SLC25A28: variants seen among roughly 807,000 people sequenced by gnomAD.
The protein encoded by SLC25A28 is mitoferrin-2.
SLC25A28 carries 10 observed loss-of-function variants against 31.9 expected under a neutral mutation model. That is an observed-to-expected ratio of 0.31 (90% CI 0.19 to 0.53). The LOEUF (loss-of-function observed/expected upper bound fraction) is 0.53. Among genes scored for constraint, SLC25A28 ranks in the 20% least tolerant of loss-of-function variants. The pLI is 0.95. For synonymous variants in SLC25A28, 208 were observed against 203.6 expected, an observed-to-expected ratio of 1.02 and a Z score of -0.19; for missense variants, 256 against 490.3, an observed-to-expected ratio of 0.52 and a Z score of 4.51.
At chr10:99,615,241 C>A (rs1237632564) in intron 1 of SLC25A28, among the ~76,000 whole-genome samples, 7 of 151,816 alleles carry the variant, frequency 4.6e-5, no homozygotes, top group African/African-American at 1.7e-4. Context: ...CCTGTAATCC[C>A]AGCTACTCAG....
At position 99,620,156 on chromosome 10, in the gene SLC25A28, G is replaced by A. The variant is rs770554202; in HGVS notation, c.180C>T (p.Gly60=). The change falls in exon 1 of 4, where the codon GGC becomes GGT. Residue 60 remains glycine, a synonymous_variant. Transcript: ENST00000370495. ...CAGCCGGCAGCGCCTCGTAGTCCGG[G>A]CCGGAGTCCGGATCTTGTCGTACCG... ...RPPVRQDPDS[G]PDYEALPAGA... The A allele has an allele frequency of 1.9e-6, 3 of 1,567,012 alleles. No homozygotes were observed. Among genetic ancestry groups the A allele is most frequent in the South Asian group, 1.1e-5 (1 of 88,644 alleles).
intron 3 of SLC25A28, among the ~76,000 whole-genome samples, 155 bp downstream of exon 3, chr10:99,612,388 G>T (rs910378056): frequency 2.0e-5 from 3 of 152,164 alleles, no homozygotes; most frequent in African/African-American, 7.2e-5. Context: ...GTCCAAGAGG[G>T]TGCCTCGTTA....
At chr10:99,631,496 G>A in the SLC25A28 span, among the ~76,000 whole-genome samples, 8 of 151,720 alleles carry the variant, frequency 5.3e-5, no homozygotes, top group Admixed American at 1.3e-4. Context: ...TCCTTGCTCT[G>A]ATCTGCCTGA....
In SLC25A28 at chr10:99,613,657, T is replaced by C. The variant is rs982107863; in HGVS notation, c.520+39A>G. On this transcript the variant is annotated intron_variant, in intron 2 of 3. Coordinates refer to ENST00000370495, the MANE Select transcript of SLC25A28 (RefSeq NM_031212.4). The surrounding 1 kb of genome is among the most constrained non-coding windows in gnomAD (Gnocchi z 4.9). ...ACTGACAGCAGCAAAGCCCAAAGAG[T>C]TGGGAAAGTGGGGGAACCAGCACAG... The C allele has an allele frequency of 6.2e-7, 1 of 1,613,382 alleles. No homozygotes were observed. The highest frequency in any genetic ancestry group is 8.5e-7 in the Non-Finnish European group (1 of 1,179,800).
chr10:99,634,533 G>C, the SLC25A28 span, among the ~76,000 whole-genome samples: 1 of 152,074 alleles, frequency 6.6e-6, no homozygotes, highest in Non-Finnish European at 1.5e-5. Flanking sequence ...TGAACAAGTA[G>C]AAGAAAGAAA....
At chr10:99,649,119 G>A in the SLC25A28 span, among the ~76,000 whole-genome samples, 5 of 151,946 alleles carry the variant, frequency 3.3e-5, no homozygotes, top group Non-Finnish European at 5.9e-5. Flanking sequence ...TTATGTTAAG[G>A]TATGTTTCTT....
At chr10:99,652,503 T>C in the SLC25A28 span, among the ~76,000 whole-genome samples, 185 of 152,274 alleles carry the variant, frequency 1.2e-3, no homozygotes, top group Admixed American at 2.7e-3. Context: ...CCTGAAACAG[T>C]AGCTATGACC....
At chr10:99,651,594 C>CT in the SLC25A28 span, among the ~76,000 whole-genome samples, 53 of 110,192 alleles carry the variant, frequency 4.8e-4, 5 homozygotes, top group East Asian at 1.6e-3. Context: ...TTTTTCTTTT[C>CT]TTTTTTTTTT....
In SLC25A28 at chr10:99,613,549, A is replaced by G; in HGVS notation, c.520+147T>C. ...TTGAAGCGGCCCGTTGTCTGAGAAC[A>G]TCAGGTTTGGAAGTCCCTCCCTTAT... On this transcript the variant is annotated intron_variant, in intron 2 of 3. Transcript: ENST00000370495. This position sits in a 1 kb window ranked among gnomAD's most constrained non-coding sequence, Gnocchi z 4.9. 1 of 1,493,804 alleles carries G rather than the reference A, an allele frequency of 6.7e-7. No homozygotes were observed. The highest frequency in any genetic ancestry group is 8.9e-7 in the Non-Finnish European group (1 of 1,124,784). 92.5% of individuals were successfully genotyped at this position (1,493,804 alleles called of 1,614,324 possible).
rs1004763338 is a variant in SLC25A28 at position 99,610,980 on chromosome 10, T to C, written c.964A>G (p.Thr322Ala). 4.3e-6 allele frequency: 7 copies of C among 1,614,056 alleles called. No individual in the cohort carries two copies. The Admixed American group carries it at 5.0e-5, about 12-fold the overall frequency. Residue 322 changes from threonine to alanine, a missense_variant, in exon 4 of 4, where the codon ACC becomes GCC. Thr to Ala is a moderately conservative substitution (Grantham distance 58, BLOSUM62 0). Transcript: ENST00000370495. ...FRTVYQVGGV[T>A]AYFRGVQARV... ...GCCTGCACCCCTCGGAAATAGGCGGTCACCCCACCTACTTGATATACCGTC... is the reference window on the plus strand; with the variant it reads ...GCCTGCACCCCTCGGAAATAGGCGGCCACCCCACCTACTTGATATACCGTC...
intron 1 of SLC25A28, chr10:99,618,860 C>T: frequency 1.0e-6 from 1 of 985,392 alleles, no homozygotes; most frequent in Non-Finnish European, 1.2e-6. Context: ...TTTGCCTTTC[C>T]CAAGTTGATT....
At chr10:99,627,936 G>A in the SLC25A28 span, among the ~76,000 whole-genome samples, 3 of 152,062 alleles carry the variant, frequency 2.0e-5, no homozygotes, top group Admixed American at 2.0e-4. Context: ...ATGTCCATGA[G>A]TTCAATTGTT....
Position 99,613,982 on chromosome 10 carries a change from C to A in SLC25A28, c.292-58G>T. The stretch of plus-strand genomic sequence containing the variant: ...GCAATGCCAACTTCTCGCCCCACCT[C>A]AACACACTGGGCAGACCTTCTACAT... On this transcript the variant is annotated intron_variant, in intron 1 of 3. Transcript: ENST00000370495. This position sits in a 1 kb window ranked among gnomAD's most constrained non-coding sequence, Gnocchi z 4.9. The A allele has an allele frequency of 6.7e-7, 1 of 1,501,276 alleles. No homozygotes were observed. 93.0% of individuals were successfully genotyped at this position (1,501,276 alleles called of 1,614,324 possible).
chr10:99,620,557 G>A, upstream of SLC25A28: 1 of 1,021,104 alleles, frequency 9.8e-7, no homozygotes, highest in South Asian at 4.6e-5. Flanking sequence ...TAGTATTAGC[G>A]AAGTCGCCTG....
the SLC25A28 span, among the ~76,000 whole-genome samples, chr10:99,643,434 G>A: frequency 1.4e-4 from 22 of 151,944 alleles, no homozygotes; most frequent in Non-Finnish European, 2.1e-4. Context: ...ATTTTTCATC[G>A]CGTCTATTTG....
upstream of SLC25A28, chr10:99,621,663 G>A (rs1276498035): frequency 6.6e-6 from 1 of 152,344 alleles, no homozygotes; most frequent in Non-Finnish European, 1.5e-5. Context: ...TGCCTTCCCC[G>A]AGCGTGTTGG....
chr10:99,658,209 T>C, the SLC25A28 span, among the ~76,000 whole-genome samples: 1 of 152,184 alleles, frequency 6.6e-6, no homozygotes, highest in Admixed American at 6.5e-5. Context: ...AAGTAAGTAG[T>C]TTTCCTAATG....
rs771648176 is a variant in SLC25A28 at position 99,620,141 on chromosome 10, C to T, written c.195G>A (p.Ala65=). 6.3e-7 allele frequency: 1 copy of T among 1,578,010 alleles called. No homozygotes were observed. The highest frequency in any genetic ancestry group is 1.7e-5 in the Admixed American group (1 of 58,498). The stretch of plus-strand genomic sequence containing the variant: ...TGGTGACAGTGGCTCCAGCCGGCAG[C>T]GCCTCGTAGTCCGGGCCGGAGTCCG... ...QDPDSGPDYE[A]LPAGATVTTH... is the part of the protein sequence containing the mutation. Residue 65 remains alanine (A), a synonymous_variant, in exon 1 of 4, where the codon GCG becomes GCA. Transcript: ENST00000370495.
chr10:99,624,758 C>A (rs1332086195), upstream of SLC25A28, among the ~76,000 whole-genome samples: 1 of 152,106 alleles, frequency 6.6e-6, no homozygotes, highest in Non-Finnish European at 1.5e-5. Flanking sequence ...TCACTTGAAC[C>A]CGGGATGCAG....
Sources: allele counts gnomAD v4.1 joint callset (sites outside exome capture counted in the v4.1 genomes callset), GRCh38; gene constraint gnomAD v4.1.1; non-coding constraint Gnocchi (gnomAD v3.1); transcripts MANE v1.5; gene names NCBI Gene and HGNC (gene_info 2026-07-23, HGNC 2026-07-21).